The following HSD17B2 variants were observed in gnomAD, a reference collection of about 807,000 sequenced individuals.
HSD17B2 encodes hydroxysteroid 17-beta dehydrogenase 2.
HSD17B2 carries 32 observed loss-of-function variants against 26.9 expected under a neutral mutation model. That is an observed-to-expected ratio of 1.19 (90% CI 0.90 to 1.60). HSD17B2 has a LOEUF of 1.60. Ranked by LOEUF, HSD17B2 falls within the 40% of genes most tolerant of loss-of-function variation. HSD17B2 has a pLI of 0.00. For missense variants in HSD17B2, 613 were observed against 468.6 expected (o/e 1.31, Z -2.85); for synonymous variants, 246 against 186.7 (o/e 1.32, Z -2.59).
At chr16:82,067,285 C>A (rs1914593613) in intron 1 of HSD17B2, among the ~76,000 whole-genome samples, 1 of 152,188 alleles carries the variant, frequency 6.6e-6, no homozygotes, top group Non-Finnish European at 1.5e-5. Flanking sequence ...GAAATACTTT[C>A]TTATTAAAAC....
intron 4 of HSD17B2, chr16:82,096,733 G>A (rs1162022779): frequency 2.6e-5 from 4 of 152,114 alleles, no homozygotes; most frequent in Non-Finnish European, 5.9e-5. Context: ...TAAGCGCAGT[G>A]CCCATCACAG....
At chr16:82,051,094 A>G (rs1457043635) in intron 1 of HSD17B2, among the ~76,000 whole-genome samples, 2 of 152,166 alleles carry the variant, frequency 1.3e-5, no homozygotes, top group Admixed American at 6.5e-5. Context: ...GTATTTCTCA[A>G]TCTTCATATC....
chr16:82,050,254 G>A (rs1017003131), intron 1 of HSD17B2, among the ~76,000 whole-genome samples: 1 of 151,960 alleles, frequency 6.6e-6, no homozygotes, highest in Non-Finnish European at 1.5e-5. Flanking sequence ...CCATCTTGGT[G>A]AGCTGCACTA....
chr16:82,049,112 G>T (rs747880987), intron 1 of HSD17B2, among the ~76,000 whole-genome samples: 1 of 152,056 alleles, frequency 6.6e-6, no homozygotes. Flanking sequence ...CATTCTCTGT[G>T]ACTATTTATT....
At chr16:82,049,505 C>T (rs189373869) in intron 1 of HSD17B2, among the ~76,000 whole-genome samples, 1 of 152,276 alleles carries the variant, frequency 6.6e-6, no homozygotes, top group African/African-American at 2.4e-5. Flanking sequence ...AAGAATAGGC[C>T]AGGTCTGAAT....
intron 3 of HSD17B2, among the ~76,000 whole-genome samples, chr16:82,080,198 G>C (rs949191202): frequency 2.0e-5 from 3 of 152,196 alleles, no homozygotes; most frequent in Admixed American, 1.3e-4. Context: ...GTAGGCAGCT[G>C]GTCTGGGAGG....
At chr16:82,050,983 T>C (rs1567580079) in intron 1 of HSD17B2, among the ~76,000 whole-genome samples, 2 of 152,212 alleles carry the variant, frequency 1.3e-5, no homozygotes, top group Non-Finnish European at 2.9e-5. Flanking sequence ...CAATGCCAAA[T>C]GCCTCATGAG....
intron 1 of HSD17B2, among the ~76,000 whole-genome samples, chr16:82,054,893 T>A (rs2143946915): frequency 6.6e-6 from 1 of 152,342 alleles, no homozygotes; most frequent in Middle Eastern, 3.4e-3. Flanking sequence ...TCTCGTCACA[T>A]TTTACAATAA....
intron 3 of HSD17B2, among the ~76,000 whole-genome samples, chr16:82,084,143 T>A (rs980817981): frequency 1.3e-5 from 2 of 152,162 alleles, no homozygotes; most frequent in African/African-American, 4.8e-5. Flanking sequence ...CTGGGTCAGG[T>A]CACCTTACTT....
At chr16:82,084,616 A>G (rs1421150188) in intron 3 of HSD17B2, among the ~76,000 whole-genome samples, 1 of 152,194 alleles carries the variant, frequency 6.6e-6, no homozygotes, top group Non-Finnish European at 1.5e-5. Context: ...AATTGTACAA[A>G]GGACAGTTGG....
At chr16:82,079,594 T>C (rs986736772) in intron 3 of HSD17B2, among the ~76,000 whole-genome samples, 1 of 152,170 alleles carries the variant, frequency 6.6e-6, no homozygotes, top group Non-Finnish European at 1.5e-5. Context: ...TACAAACTTT[T>C]CTGGGTGGTG....
At chr16:82,061,498 G>C (rs1237981589) in intron 1 of HSD17B2, among the ~76,000 whole-genome samples, 1 of 152,174 alleles carries the variant, frequency 6.6e-6, no homozygotes. Context: ...AGGTCTCCCA[G>C]CTCCAGAATC....
At chr16:82,048,137 C>A (rs1913994071) in intron 1 of HSD17B2, among the ~76,000 whole-genome samples, 1 of 152,154 alleles carries the variant, frequency 6.6e-6, no homozygotes, top group Admixed American at 6.5e-5. Flanking sequence ...GATTAATCTT[C>A]CACATAGGTA....
intron 1 of HSD17B2, among the ~76,000 whole-genome samples, chr16:82,040,603 C>T (rs1207249482): frequency 1.3e-5 from 2 of 152,188 alleles, no homozygotes; most frequent in East Asian, 1.9e-4. Context: ...TCCATTCAAT[C>T]AACAAGTAAA....
intron 3 of HSD17B2, among the ~76,000 whole-genome samples, chr16:82,083,000 C>G (rs13339413): frequency 9.2e-5 from 14 of 152,068 alleles, no homozygotes; most frequent in Non-Finnish European, 1.6e-4. Flanking sequence ...TATGTTACCA[C>G]CACATCAAAC....
At chr16:82,081,284 T>C (rs965692807) in intron 3 of HSD17B2, among the ~76,000 whole-genome samples, 1 of 152,158 alleles carries the variant, frequency 6.6e-6, no homozygotes, top group Admixed American at 6.5e-5. Flanking sequence ...TGTTCCCGCA[T>C]GAACTTCCCT....
chr16:82,093,940 G>A (rs562336799), intron 4 of HSD17B2: 1 of 152,266 alleles, frequency 6.6e-6, no homozygotes, highest in South Asian at 2.1e-4. Context: ...CATTGCCATG[G>A]CATTTATAAA....
At chr16:82,073,982 A>G (rs1239125350) in intron 3 of HSD17B2, among the ~76,000 whole-genome samples, 1 of 152,238 alleles carries the variant, frequency 6.6e-6, no homozygotes, top group Non-Finnish European at 1.5e-5. Flanking sequence ...GCAAAACAGC[A>G]TGGTCCTGTA....
At position 82,045,447 on chromosome 16, in the gene HSD17B2, T is replaced by C. The variant is rs377463956; in HGVS notation, c.265+9758T>C. Among the ~76,000 whole-genome samples, 4 of 152,374 alleles carry C rather than the reference T, an allele frequency of 2.6e-5. No individual in the cohort carries two copies. The East Asian group carries it at 7.7e-4, about 29-fold the overall frequency. On this transcript the variant is annotated intron_variant, in intron 1 of 4. Transcript: ENST00000199936. ...AATCATGATTGATATCTCTTCTAAG[T>C]ATTAAGCAAGATTGTGAATATATAT...
Sources: gnomAD v4.1 joint callset for allele counts (sites outside exome capture counted in the v4.1 genomes callset) on GRCh38, gnomAD v4.1.1 for gene constraint, MANE v1.5 for transcripts, NCBI Gene and HGNC (gene_info 2026-07-23, HGNC 2026-07-21) for gene names.